The following SYCP2 variants were observed in gnomAD, a reference collection of about 807,000 sequenced individuals.
SYCP2 encodes the protein synaptonemal complex protein 2.
SYCP2 carries 55 observed loss-of-function variants against 211.3 expected under a neutral mutation model. The ratio of observed to expected loss-of-function variants is 0.26; its 90% CI spans 0.21 to 0.33. SYCP2 has a LOEUF of 0.33. Ranked by LOEUF, SYCP2 falls within the 10% of genes least tolerant of loss-of-function variation. The pLI, the probability that SYCP2 is intolerant of heterozygous loss-of-function variation, is 1.00. For synonymous variants in SYCP2, 570 were observed against 555.2 expected (o/e 1.03, Z -0.37); for missense variants, 1,731 against 1,752.0 (o/e 0.99, Z 0.21).
At chr20:59,879,818 AATAAATATATATATATAT>A (rs67959950) in intron 31 of SYCP2, among the ~76,000 whole-genome samples, 14,975 of 125,568 alleles carry the variant, frequency 0.12, 1,011 homozygotes, top group East Asian at 0.28. Flanking sequence ...AGTAAATATA[AATAAATATATATATATAT>A]ATATATATAT....
chr20:59,871,565 A>T (rs966656369), intron 35 of SYCP2, among the ~76,000 whole-genome samples: 1 of 151,894 alleles, frequency 6.6e-6, no homozygotes, highest in Non-Finnish European at 1.5e-5. Context: ...GAGATTTTGC[A>T]AGGTGGCATA....
chr20:59,900,158 T>C lies in SYCP2; in HGVS notation c.1384A>G (p.Arg462Gly). The change falls in exon 18 of 45, where the codon AGA (arginine) becomes GGA (glycine). Residue 462 changes from arginine (R) to glycine (G), a missense_variant. Around this residue, in one of 3 missense-constraint regions of SYCP2, gnomAD observed 1,387 missense variants for 1,351.3 expected, o/e 1.03. Transcript: ENST00000357552. ...TTTACCTCAAGCTGACTATTATTTC[T>C]ATTCCCTTTGTCACTGTTTTTGATA... ...KYIKNSDKGN[R>G]NNSQLEKTTP... The C allele has an allele frequency of 6.2e-7, 1 of 1,613,374 alleles. No homozygotes were observed. Among genetic ancestry groups the C allele is most frequent in the Non-Finnish European group, 8.5e-7 (1 of 1,179,564 alleles).
At chr20:59,932,446 C>A (rs1276631745) in intron 1 of SYCP2, among the ~76,000 whole-genome samples, 1 of 152,106 alleles carries the variant, frequency 6.6e-6, no homozygotes, top group Non-Finnish European at 1.5e-5. Flanking sequence ...GAAGCCGAGG[C>A]AGGTGGATCA....
chr20:59,929,219 CCACCATAT>C (rs2060688549), intron 2 of SYCP2, among the ~76,000 whole-genome samples: 1 of 152,132 alleles, frequency 6.6e-6, no homozygotes, highest in Non-Finnish European at 1.5e-5. Flanking sequence ...TCTCCACCAT[CCACCATAT>C]TGGCAAAAAC....
At chr20:59,903,665 T>C (rs181855607) in intron 15 of SYCP2, among the ~76,000 whole-genome samples, 84 of 152,176 alleles carry the variant, frequency 5.5e-4, no homozygotes, top group African/African-American at 1.9e-3. Context: ...AGACGGAGGG[T>C]CAAAATGTGT....
intron 22 of SYCP2, 33 bp downstream of exon 22, chr20:59,893,109 G>A (rs1176820229): frequency 6.9e-7 from 1 of 1,458,586 alleles, no homozygotes; most frequent in Admixed American, 1.8e-5. Context: ...CATTAGTATA[G>A]ACTAAATGAT....
At chr20:59,880,610 C>A in intron 30 of SYCP2, 139 bp from the exon 31 acceptor site, 1 of 569,262 alleles carries the variant, frequency 1.8e-6, no homozygotes, top group East Asian at 3.0e-5. Context: ...TTCTTAACAT[C>A]CTAATTTAGG....
chr20:59,877,661 G>T, intron 32 of SYCP2, 106 bp from the exon 33 acceptor site: 4 of 896,528 alleles, frequency 4.5e-6, no homozygotes, highest in Non-Finnish European at 6.8e-6. Flanking sequence ...TAAAATATTT[G>T]TAAGAATGAT....
At position 59,881,509 on chromosome 20, in the gene SYCP2, C is replaced by CATTA. The variant is rs148253329; in HGVS notation, c.2659-18_2659-17insTAAT. On this transcript the variant is annotated splice_polypyrimidine_tract_variant and intron_variant, in intron 28 of 44. Transcript: ENST00000357552. ...CTCTTGGATCTATATTGTAAATAAA[C>CATTA]AAAAAAAAAGAGGTGTCAGTGTCAA... The CATTA allele has an allele frequency of 4.6e-5, 60 of 1,313,000 alleles. No homozygotes were observed. The highest frequency in any genetic ancestry group is 5.9e-5 in the Non-Finnish European group (58 of 985,452). 81.3% of individuals were successfully genotyped at this position (1,313,000 alleles called of 1,614,324 possible). A position where few individuals can be genotyped will look rare whatever the true frequency, so the allele number is the denominator to read the frequency against.
intron 17 of SYCP2, 147 bp from the exon 18 acceptor site, chr20:59,900,431 T>G (rs951053921): frequency 7.4e-6 from 6 of 806,466 alleles, no homozygotes; most frequent in Admixed American, 3.4e-5. Context: ...TTTTACAAAG[T>G]GATCCAATAA....
At position 59,900,200 on chromosome 20, in the gene SYCP2, C is replaced by T; in HGVS notation, c.1342G>A (p.Ala448Thr). 6.2e-7 allele frequency: 1 copy of T among 1,613,150 alleles called. No individual in the cohort carries two copies. The highest frequency in any genetic ancestry group is 8.5e-7 in the Non-Finnish European group (1 of 1,179,542). Reference protein sequence around the residue: ...KEKSKSPKEFAKPSKYIKNSD... With the variant: ...KEKSKSPKEFTKPSKYIKNSD... ...TTTTTGATATATTTTGAAGGTTTAG[C>T]AAATTCCTTTGGGGACTTTGATTTT... Residue 448 changes from alanine to threonine, a missense_variant, in exon 18 of 45, where the codon GCT becomes ACT. By Grantham distance (58) the Ala-to-Thr change is moderately conservative. This residue lies in a region of SYCP2 where 1,387 missense variants were observed against 1,351.3 expected (regional missense o/e 1.03). Transcript: ENST00000357552.
chr20:59,864,457 G>C, intron 44 of SYCP2, 69 bp from the exon 45 acceptor site: 6 of 836,118 alleles, frequency 7.2e-6, no homozygotes, highest in South Asian at 2.1e-5. Context: ...AAATAAAATA[G>C]AAAAAAAAAA....
At chr20:59,877,340 A>G in intron 33 of SYCP2, 45 bp downstream of exon 33, 1 of 1,315,274 alleles carries the variant, frequency 7.6e-7, no homozygotes. Context: ...TATATTTAGT[A>G]TTTTAAGAGG....
At chr20:59,873,157 G>T (rs549779891) in intron 35 of SYCP2, among the ~76,000 whole-genome samples, 1 of 151,978 alleles carries the variant, frequency 6.6e-6, no homozygotes, top group Non-Finnish European at 1.5e-5. Flanking sequence ...TCTTACCATA[G>T]ATCTTAGCAA....
chr20:59,887,746 T>C (rs77773054), intron 24 of SYCP2, among the ~76,000 whole-genome samples: 2,944 of 152,092 alleles, frequency 0.019, 41 homozygotes, highest in Middle Eastern at 0.041. Context: ...GGAGAAACCA[T>C]TTCTTTGAAA....
chr20:59,925,803 A>G (rs567020446), intron 2 of SYCP2, among the ~76,000 whole-genome samples: 31 of 152,164 alleles, frequency 2.0e-4, no homozygotes, highest in Middle Eastern at 3.4e-3. Flanking sequence ...TGTAGGTACT[A>G]TAATTTATTA....
At chr20:59,888,045 A>C (rs901829749) in intron 24 of SYCP2, among the ~76,000 whole-genome samples, 1 of 151,970 alleles carries the variant, frequency 6.6e-6, no homozygotes. Context: ...CTACCAAAAC[A>C]CCAGAAAGAG....
chr20:59,910,293 C>T (rs6092840), intron 14 of SYCP2, among the ~76,000 whole-genome samples: 1 of 151,354 alleles, frequency 6.6e-6, no homozygotes, highest in Non-Finnish European at 1.5e-5. Flanking sequence ...TGATCAGTGT[C>T]TGGAACACAC....
chr20:59,871,365 C>A (rs943348107), intron 35 of SYCP2, among the ~76,000 whole-genome samples: 1 of 150,174 alleles, frequency 6.7e-6, no homozygotes, highest in African/African-American at 2.5e-5. Context: ...TATCTCATAG[C>A]AGTGTTGAGA....
Sources: allele counts gnomAD v4.1 joint callset (sites outside exome capture counted in the v4.1 genomes callset), GRCh38; gene constraint gnomAD v4.1.1; regional missense constraint gnomAD v4.1.1; transcripts MANE v1.5; gene names NCBI Gene and HGNC (gene_info 2026-07-23, HGNC 2026-07-21).